LRRD1: variants seen among roughly 807,000 people sequenced by gnomAD.
LRRD1 encodes the protein leucine rich repeats and death domain containing 1, also known as leucine-rich repeat and death domain-containing protein 1.
Under a neutral mutation model 69.5 loss-of-function variants are expected in LRRD1, and 49 were observed. That is an observed-to-expected ratio of 0.70 (90% confidence interval 0.56 to 0.89). The LOEUF (loss-of-function observed/expected upper bound fraction) is 0.89, where lower values mean the gene tolerates loss of function less well. Among genes scored for constraint, LRRD1 ranks in the 40% least tolerant of loss-of-function variants. The probability of loss-of-function intolerance (pLI) is 0.00; values close to 1 mark genes in which losing one functional copy is unlikely to be tolerated. For missense variants in LRRD1, 853 were observed against 956.0 expected (o/e 0.89, Z 1.42); for synonymous variants, 303 against 338.9 (o/e 0.89, Z 1.16).
downstream of LRRD1, chr7:92,142,715 T>TG (rs2130971162): frequency 4.8e-6 from 2 of 415,042 alleles, no homozygotes; most frequent in East Asian, 1.4e-4. Flanking sequence ...GGCTCAGGAG[T>TG]GAAGCTGCAG....
chr7:92,149,793 T>G (rs902540270), intron 4 of LRRD1: 1 of 307,906 alleles, frequency 3.2e-6, no homozygotes, highest in Non-Finnish European at 7.0e-6. Flanking sequence ...GCTCAAGTGA[T>G]TGTCCTGCCT....
chr7:92,152,897 T>C (rs891922589), intron 3 of LRRD1, among the ~76,000 whole-genome samples: 1 of 152,204 alleles, frequency 6.6e-6, no homozygotes, highest in African/African-American at 2.4e-5. Flanking sequence ...CTCAAACTCC[T>C]GACCTCGTGA....
downstream of LRRD1, among the ~76,000 whole-genome samples, chr7:92,143,475 G>A (rs1028633827): frequency 6.6e-6 from 1 of 152,178 alleles, no homozygotes; most frequent in Admixed American, 6.5e-5. Context: ...AGTGGGGGAG[G>A]CTCGGGCATG....
chr7:92,157,857 A>G (rs575412732), intron 3 of LRRD1, among the ~76,000 whole-genome samples: 5 of 151,912 alleles, frequency 3.3e-5, no homozygotes, highest in Admixed American at 6.6e-5. Context: ...AATTACAGGC[A>G]TGAGCCACCA....
chr7:92,146,067 T>G lies in LRRD1; in HGVS notation c.2396+16A>C, dbSNP rs772611257. ...ATGAGAATAAATTTGTACTAAATGC[T>G]GTCATTTATACATACCTCTTTGTAG... On this transcript the variant is annotated intron_variant, in intron 5 of 5. Transcript: ENST00000458448. 4 of 1,297,006 alleles carry G rather than the reference T, an allele frequency of 3.1e-6. No homozygotes were observed. Among genetic ancestry groups the G allele is most frequent in the Non-Finnish European group, 4.2e-6 (4 of 948,242 alleles). The allele number at this position is 1,297,006 out of a possible 1,614,324, so 80.3% of individuals were successfully genotyped here.
rs757730127 is a variant in LRRD1 at position 92,159,489 on chromosome 7, AC to A, written c.1918-287del. Among the ~76,000 whole-genome samples, 4 of 151,060 alleles carry A rather than the reference AC, an allele frequency of 2.6e-5. 1 individual carries two copies. ...ACATTCCCATCACTCAGTGTTCATT[AC>A]CTCCTTATCCCATTCTCTTCTCCCT... On this transcript the variant is annotated intron_variant, in intron 2 of 5. Coordinates refer to ENST00000458448, the MANE Select transcript of LRRD1 (RefSeq NM_001161528.2).
At chr7:92,170,157 G>A (rs1173446718) in intron 1 of LRRD1, among the ~76,000 whole-genome samples, 2 of 150,646 alleles carry the variant, frequency 1.3e-5, no homozygotes, top group Admixed American at 6.7e-5. Context: ...AGGAAGGAAG[G>A]AAGGAGGGAA....
chr7:92,153,768 G>A (rs1788582619), intron 3 of LRRD1, among the ~76,000 whole-genome samples: 1 of 151,554 alleles, frequency 6.6e-6, no homozygotes. Context: ...GCTGCAGTGA[G>A]CCTAGATCGT....
intron 3 of LRRD1, among the ~76,000 whole-genome samples, chr7:92,155,634 T>C (rs899172988): frequency 2.6e-5 from 4 of 152,144 alleles, no homozygotes; most frequent in African/African-American, 7.2e-5. Context: ...AGGGAGTTTA[T>C]TAAGGAGTAT....
chr7:92,176,504 A>T (rs1191399390), intron 1 of LRRD1, among the ~76,000 whole-genome samples: 1 of 151,888 alleles, frequency 6.6e-6, no homozygotes, highest in Non-Finnish European at 1.5e-5. Context: ...AGATAATACC[A>T]GCTATCTTTG....
At chr7:92,158,551 A>G (rs1238721983) in intron 3 of LRRD1, among the ~76,000 whole-genome samples, 4 of 152,044 alleles carry the variant, frequency 2.6e-5, no homozygotes, top group African/African-American at 9.7e-5. Context: ...CTTATCTACA[A>G]TGTCATTTTT....
intron 1 of LRRD1, among the ~76,000 whole-genome samples, chr7:92,174,470 AATAT>A (rs1186084706): frequency 0.02 from 405 of 20,222 alleles, 9 homozygotes; most frequent in Non-Finnish European, 0.022. Context: ...TATCAATTAG[AATAT>A]ATATATATAT....
chr7:92,146,045 A>G, intron 5 of LRRD1, 38 bp downstream of exon 5: 1 of 1,068,764 alleles, frequency 9.4e-7, no homozygotes, highest in South Asian at 1.7e-5. Context: ...CATCAGAATG[A>G]GAATAAATTT....
intron 3 of LRRD1, among the ~76,000 whole-genome samples, chr7:92,153,144 A>T (rs1201074493): frequency 1.3e-5 from 2 of 152,092 alleles, no homozygotes; most frequent in African/African-American, 4.8e-5. Flanking sequence ...AGCTCACCTC[A>T]GCCTCTGCCT....
At chr7:92,151,570 A>G (rs1369952878) in intron 3 of LRRD1, among the ~76,000 whole-genome samples, 5 of 152,174 alleles carry the variant, frequency 3.3e-5, no homozygotes, top group African/African-American at 1.2e-4. Context: ...AAGTCACTAA[A>G]TCTAGGCTAC....
At chr7:92,159,246 A>G (rs1201810010) in intron 2 of LRRD1, 43 bp from the exon 3 acceptor site, 1 of 1,203,646 alleles carries the variant, frequency 8.3e-7, no homozygotes. Context: ...AAATACATAC[A>G]TATTTGCATG....
chr7:92,163,591 G>T lies in LRRD1; in HGVS notation c.1612C>A (p.Leu538Met). 3 of 1,529,620 alleles carry T rather than the reference G, an allele frequency of 2.0e-6. No individual in the cohort carries two copies. The highest frequency in any genetic ancestry group is 2.6e-6 in the Non-Finnish European group (3 of 1,140,564). The allele number at this position is 1,529,620 out of a possible 1,614,324, so 94.8% of individuals were successfully genotyped here. Residue 538 changes from leucine (L) to methionine (M), a missense_variant, in exon 2 of 6, where the codon CTG (leucine) becomes ATG (methionine). This residue lies in a region of LRRD1 where 739 missense variants were observed against 808.0 expected (regional missense o/e 0.91). Transcript: ENST00000458448. ...TTTATTTGGTTTTTACCAAGATCCA[G>T]GTATTTAAGATTAATAAGAGAACAA... ...HFCSLINLKY[L>M]DLGKNQIKKI... is the part of the protein sequence containing the mutation.
intron 2 of LRRD1, among the ~76,000 whole-genome samples, chr7:92,160,616 C>A (rs779791828): frequency 3.3e-5 from 5 of 152,158 alleles, no homozygotes; most frequent in South Asian, 2.1e-4. Context: ...GAATTCAAGA[C>A]CAGCCGACCA....
Position 92,167,895 on chromosome 7 carries a change from A to T in LRRD1, c.-74-2619T>A, listed in dbSNP as rs1343329967. On this transcript the variant is annotated intron_variant, in intron 1 of 5. Transcript: ENST00000458448. Reference sequence around the variant, plus strand: ...CTGTCTCAAAAAAAAAAAAAAAAAAAAAAAAAAAAAAAATAAGTTATTCTG... The same window carrying T: ...CTGTCTCAAAAAAAAAAAAAAAAAATAAAAAAAAAAAAATAAGTTATTCTG... Among the ~76,000 whole-genome samples, 138 of 149,380 alleles carry T rather than the reference A, an allele frequency of 9.2e-4. 3 individuals carry two copies. The highest frequency in any genetic ancestry group is 3.2e-3 in the African/African-American group (127 of 40,096).
Sources: gnomAD v4.1 joint callset for allele counts (sites outside exome capture counted in the v4.1 genomes callset) on GRCh38, gnomAD v4.1.1 for gene constraint, gnomAD v4.1.1 regional missense constraint, MANE v1.5 for transcripts, NCBI Gene and HGNC (gene_info 2026-07-23, HGNC 2026-07-21) for gene names.